The following PRKG1 variants were observed in gnomAD, a reference collection of about 807,000 sequenced individuals.
PRKG1 encodes cGMP-dependent protein kinase 1.
Under a neutral mutation model 88.1 loss-of-function variants are expected in PRKG1, and 35 were observed. The observed-to-expected ratio is 0.40, with a 90% CI of 0.30 to 0.53. The LOEUF is 0.53. Ranked by LOEUF, PRKG1 falls within the 20% of genes least tolerant of loss-of-function variation. The pLI is 0.59. For missense variants in PRKG1, 540 were observed against 839.8 expected, an observed-to-expected ratio of 0.64 and a Z score of 4.41; for synonymous variants, 303 against 292.5, an observed-to-expected ratio of 1.04 and a Z score of -0.37.
At chr10:51,839,725 A>T (rs1840221736) in intron 4 of PRKG1, among the ~76,000 whole-genome samples, 1 of 152,172 alleles carries the variant, frequency 6.6e-6, no homozygotes, top group South Asian at 2.1e-4. Flanking sequence ...TGGCAGAAGC[A>T]TGCCTTCCTA....
At chr10:52,141,301 G>T (rs182750168) in intron 8 of PRKG1, among the ~76,000 whole-genome samples, 4 of 152,108 alleles carry the variant, frequency 2.6e-5, no homozygotes, top group African/African-American at 9.7e-5. Context: ...ATTCTCATTC[G>T]AAAAGGAGTA....
chr10:51,081,245 G>A (rs1007861171), intron 1 of PRKG1, among the ~76,000 whole-genome samples: 1 of 152,158 alleles, frequency 6.6e-6, no homozygotes, highest in Non-Finnish European at 1.5e-5. Context: ...AAGAAGAAAT[G>A]CATATCGAGG....
At position 51,962,476 on chromosome 10, in the gene PRKG1, T is replaced by TTTTTC. The variant is rs891095736; in HGVS notation, c.762+54926_762+54930dup. ...AATGGCTAATTTAGCTCCAGATTTC[T>TTTTTC]TTTTCTTTTCTTTTCTTTTCTTTTT... On this transcript the variant is annotated intron_variant, in intron 5 of 17. Transcript: ENST00000373980. 1.2e-4 allele frequency among the ~76,000 whole-genome samples: 19 copies of TTTTTC among 152,106 alleles called. 1 individual carries two copies. The highest frequency in any genetic ancestry group is 3.9e-4 in the East Asian group (2 of 5,188).
chr10:51,643,159 A>G (rs1185191050), intron 3 of PRKG1, among the ~76,000 whole-genome samples: 1 of 152,128 alleles, frequency 6.6e-6, no homozygotes, highest in Non-Finnish European at 1.5e-5. Flanking sequence ...TAATTTTTGG[A>G]TATTCTGTCT....
At chr10:51,366,747 C>T (rs1842597955) in intron 2 of PRKG1, among the ~76,000 whole-genome samples, 1 of 151,886 alleles carries the variant, frequency 6.6e-6, no homozygotes, top group African/African-American at 2.4e-5. Context: ...ATCATTTCTC[C>T]AGCATGTACA....
At chr10:51,200,246 T>A (rs535777148) in intron 2 of PRKG1, among the ~76,000 whole-genome samples, 1 of 152,304 alleles carries the variant, frequency 6.6e-6, no homozygotes, top group South Asian at 2.1e-4. Context: ...AAGCCTAATA[T>A]GTGTGAAAGG....
intron 5 of PRKG1, among the ~76,000 whole-genome samples, chr10:51,981,200 T>A (rs1460920246): frequency 1.3e-5 from 2 of 152,200 alleles, no homozygotes; most frequent in Non-Finnish European, 2.9e-5. Context: ...TCCCTCAGCA[T>A]TCACTTGTCT....
At chr10:51,892,415 A>G (rs1236882955) in intron 4 of PRKG1, among the ~76,000 whole-genome samples, 1 of 152,178 alleles carries the variant, frequency 6.6e-6, no homozygotes, top group Non-Finnish European at 1.5e-5. Context: ...ACTAAGGATT[A>G]AGAGTCCTAG....
intron 2 of PRKG1, among the ~76,000 whole-genome samples, chr10:51,299,356 C>T (rs1377793561): frequency 6.6e-6 from 1 of 152,058 alleles, no homozygotes; most frequent in Admixed American, 6.6e-5. Flanking sequence ...CAGGCATCCT[C>T]CACCATGCCT....
intron 6 of PRKG1, among the ~76,000 whole-genome samples, chr10:52,062,256 G>A (rs1846254590): frequency 6.6e-6 from 1 of 152,036 alleles, no homozygotes; most frequent in Non-Finnish European, 1.5e-5. Context: ...CATAAAGGCA[G>A]GAAAATTAGA....
chr10:51,530,414 G>A lies in PRKG1; in HGVS notation c.592+62578G>A, dbSNP rs138981901. Among the ~76,000 whole-genome samples the A allele has an allele frequency of 2.0e-3, 311 of 152,044 alleles. 1 individual carries two copies. The highest frequency in any genetic ancestry group is 7.1e-3 in the African/African-American group (295 of 41,458). On this transcript the variant is annotated intron_variant, in intron 3 of 17. Transcript: ENST00000373980. ...GAGCAAATAGTGTTCTGCAACTCTC[G>A]GGTGGGCAAACATAGTGCTCACTAA...
At chr10:52,042,258 G>T (rs1426148168) in intron 5 of PRKG1, among the ~76,000 whole-genome samples, 1 of 152,088 alleles carries the variant, frequency 6.6e-6, no homozygotes, top group Non-Finnish European at 1.5e-5. Flanking sequence ...GGAAGACCCT[G>T]AATAGCCAAA....
chr10:51,045,764 G>A (rs550819637), intron 1 of PRKG1, among the ~76,000 whole-genome samples: 160 of 151,882 alleles, frequency 1.1e-3, no homozygotes, highest in African/African-American at 3.7e-3. Context: ...CCTTATTTTA[G>A]CCTTTATAAT....
intron 2 of PRKG1, among the ~76,000 whole-genome samples, chr10:51,281,197 G>A (rs1840284596): frequency 6.6e-6 from 1 of 152,186 alleles, no homozygotes; most frequent in Non-Finnish European, 1.5e-5. Context: ...AACAGCAAAT[G>A]TTGCTGCCTG....
chr10:51,464,894 A>G (rs1839854675), intron 2 of PRKG1, among the ~76,000 whole-genome samples: 1 of 150,234 alleles, frequency 6.7e-6, no homozygotes, highest in South Asian at 2.1e-4. Context: ...CCGTCTCAAA[A>G]AAAAAAAAAA....
At chr10:51,017,282 G>A (rs1417128502) in intron 1 of PRKG1, among the ~76,000 whole-genome samples, 2 of 151,438 alleles carry the variant, frequency 1.3e-5, no homozygotes, top group African/African-American at 2.4e-5. Context: ...ATCTTATTTT[G>A]TAAAATTTTT....
rs1434912940 is a variant in PRKG1 at position 52,188,241 on chromosome 10, CATATATATGTGT to C, written c.1076+26287_1076+26298del. On this transcript the variant is annotated intron_variant, in intron 9 of 17. Coordinates refer to ENST00000373980, the MANE Select transcript of PRKG1 (RefSeq NM_006258.4). ...ATATATATACATATGTATATATATACATATATATGTGTATATATATACATATGTATATATATA... is the reference window on the plus strand; with the variant it reads ...ATATATATACATATGTATATATATACATATATATACATATGTATATATATA... Among the ~76,000 whole-genome samples the C allele has an allele frequency of 5.3e-3, 20 of 3,794 alleles. 1 individual carries two copies. Among genetic ancestry groups the C allele is most frequent in the South Asian group, 0.04 (2 of 50 alleles). The allele number at this position is 3,794 out of a possible 152,430, so 2.5% of individuals were successfully genotyped here.
chr10:52,226,465 T>C (rs1840391159), intron 9 of PRKG1, among the ~76,000 whole-genome samples: 1 of 152,206 alleles, frequency 6.6e-6, no homozygotes, highest in South Asian at 2.1e-4. Flanking sequence ...AGCCACTTGG[T>C]TTTTATTATA....
chr10:51,696,307 A>G (rs959147080), intron 3 of PRKG1: 5 of 152,176 alleles, frequency 3.3e-5, no homozygotes, highest in Admixed American at 6.5e-5. Flanking sequence ...CACCATCTGT[A>G]TAAGAAAGCC....
Sources: gnomAD v4.1 joint callset for allele counts (sites outside exome capture counted in the v4.1 genomes callset) on GRCh38, gnomAD v4.1.1 for gene constraint, MANE v1.5 for transcripts, NCBI Gene and HGNC (gene_info 2026-07-23, HGNC 2026-07-21) for gene names.